PDE1C: variants seen among roughly 807,000 people sequenced by gnomAD.
The protein encoded by PDE1C is phosphodiesterase 1C.
A neutral mutation model predicts 93.1 loss-of-function variants in PDE1C; 62 were observed. The ratio of observed to expected loss-of-function variants is 0.67; its 90% confidence interval spans 0.54 to 0.82. The LOEUF is 0.82. Among genes scored for constraint, PDE1C ranks in the 40% least tolerant of loss-of-function variants. PDE1C has a pLI of 0.00. For synonymous variants in PDE1C, 325 were observed against 310.1 expected, an observed-to-expected ratio of 1.05 and a Z score of -0.50; for missense variants, 742 against 884.6, an observed-to-expected ratio of 0.84 and a Z score of 2.04.
At chr7:32,250,874 C>T (rs996845593) in intron 1 of PDE1C, among the ~76,000 whole-genome samples, 1 of 152,188 alleles carries the variant, frequency 6.6e-6, no homozygotes, top group South Asian at 2.1e-4. Context: ...TGTAACACAC[C>T]GCAAAGGCAT....
At chr7:31,699,638 G>T in the PDE1C span, among the ~76,000 whole-genome samples, 1 of 151,490 alleles carries the variant, frequency 6.6e-6, no homozygotes, top group African/African-American at 2.4e-5. Flanking sequence ...TCAGATATTG[G>T]TGGTTTTTTT....
chr7:32,381,248 T>C (rs916523879), intron 1 of PDE1C, among the ~76,000 whole-genome samples: 2 of 151,806 alleles, frequency 1.3e-5, no homozygotes, highest in South Asian at 2.1e-4. Flanking sequence ...GCACTCTCTC[T>C]AGGCTGTGCT....
intron 2 of PDE1C, among the ~76,000 whole-genome samples, chr7:31,981,255 A>T (rs975893755): frequency 3.3e-5 from 5 of 152,184 alleles, no homozygotes; most frequent in African/African-American, 1.2e-4. Flanking sequence ...AAATCTGGGG[A>T]TGTGAAGCAT....
At chr7:31,642,747 C>T in the PDE1C span, 1 of 1,614,016 alleles carries the variant, frequency 6.2e-7, no homozygotes, top group African/African-American at 1.3e-5. Context: ...GAGATCAGAG[C>T]CACAGCTTAG....
intron 1 of PDE1C, among the ~76,000 whole-genome samples, chr7:32,381,119 C>T (rs966873043): frequency 6.6e-6 from 1 of 151,694 alleles, no homozygotes; most frequent in East Asian, 2.0e-4. Flanking sequence ...TGGTGTTATT[C>T]TTGACTTCTC....
At chr7:31,969,885 C>A (rs545795157) in intron 2 of PDE1C, among the ~76,000 whole-genome samples, 25 of 152,140 alleles carry the variant, frequency 1.6e-4, no homozygotes, top group African/African-American at 5.8e-4. Context: ...AGCAAACTAT[C>A]GCAAGGACAA....
At chr7:31,736,669 G>T in the PDE1C span, among the ~76,000 whole-genome samples, 12 of 152,216 alleles carry the variant, frequency 7.9e-5, no homozygotes, top group Non-Finnish European at 4.4e-5. Flanking sequence ...TCAATGTGTT[G>T]TGATCCTTCA....
At chr7:31,872,638 C>T (rs1252678686) in intron 6 of PDE1C, among the ~76,000 whole-genome samples, 1 of 152,006 alleles carries the variant, frequency 6.6e-6, no homozygotes, top group Non-Finnish European at 1.5e-5. Context: ...GAGGCTCATC[C>T]CTTTGATGAG....
chr7:32,288,077 C>T (rs1379180853), intron 1 of PDE1C, among the ~76,000 whole-genome samples: 8 of 152,102 alleles, frequency 5.3e-5, no homozygotes, highest in Non-Finnish European at 2.9e-5. Flanking sequence ...TCACTTGAAC[C>T]CGGAAGGCAG....
At chr7:31,980,843 C>T (rs986101527) in intron 2 of PDE1C, among the ~76,000 whole-genome samples, 7 of 152,196 alleles carry the variant, frequency 4.6e-5, no homozygotes, top group African/African-American at 1.7e-4. Context: ...ATTCTAAAGC[C>T]AGTCAGTAGG....
intron 5 of PDE1C, among the ~76,000 whole-genome samples, chr7:31,875,070 G>C (rs1332536683): frequency 6.6e-6 from 1 of 152,142 alleles, no homozygotes; most frequent in Non-Finnish European, 1.5e-5. Flanking sequence ...TAGACAGCAA[G>C]GACACTTAAG....
At chr7:31,740,262 A>G in the PDE1C span, among the ~76,000 whole-genome samples, 1 of 152,200 alleles carries the variant, frequency 6.6e-6, no homozygotes, top group African/African-American at 2.4e-5. Flanking sequence ...CTCCAACATG[A>G]CACAAGAAAA....
chr7:32,004,959 AT>A (rs1241998377), intron 2 of PDE1C, among the ~76,000 whole-genome samples: 1 of 152,192 alleles, frequency 6.6e-6, no homozygotes, highest in East Asian at 1.9e-4. Flanking sequence ...GAGGTAATTT[AT>A]TTGATACATA....
chr7:31,865,466 C>T (rs539228842), intron 6 of PDE1C, among the ~76,000 whole-genome samples: 28 of 152,240 alleles, frequency 1.8e-4, no homozygotes, highest in African/African-American at 6.5e-4. Flanking sequence ...CTCTTAAATA[C>T]CCTTCCCCTC....
At chr7:31,875,458 C>T (rs1171070416) in intron 5 of PDE1C, among the ~76,000 whole-genome samples, 1 of 151,942 alleles carries the variant, frequency 6.6e-6, no homozygotes, top group African/African-American at 2.4e-5. Flanking sequence ...AAATATGGAC[C>T]CTCCAGTGGG....
intron 9 of PDE1C, among the ~76,000 whole-genome samples, chr7:31,846,223 C>CTT (rs200755773): frequency 7.0e-6 from 1 of 142,364 alleles, no homozygotes. Flanking sequence ...TTTTACTTTT[C>CTT]TTTTTTTTTC....
At chr7:31,875,404 T>G (rs1796421150) in intron 5 of PDE1C, among the ~76,000 whole-genome samples, 1 of 152,126 alleles carries the variant, frequency 6.6e-6, no homozygotes, top group African/African-American at 2.4e-5. Flanking sequence ...TTAGCTGTAA[T>G]TCTCAGTCTA....
intron 1 of PDE1C, among the ~76,000 whole-genome samples, chr7:32,278,830 A>C (rs2128891133): frequency 6.6e-6 from 1 of 152,356 alleles, no homozygotes; most frequent in African/African-American, 2.4e-5. Context: ...GAAAGGGCAC[A>C]AAGTAACCGA....
chr7:32,215,476 G>T lies in PDE1C; in HGVS notation c.86-5937C>A, dbSNP rs60287557. On this transcript the variant is annotated intron_variant, in intron 1 of 18. Transcript: ENST00000396193. ...AGCAATATAAAGGACATGTTCCCCTGGTGTGTTTGCTGTAGGTTTTCCCTC... is the reference window on the plus strand; with the variant it reads ...AGCAATATAAAGGACATGTTCCCCTTGTGTGTTTGCTGTAGGTTTTCCCTC... Among the ~76,000 whole-genome samples the T allele has an allele frequency of 9.9e-3, 1,514 of 152,234 alleles. 32 individuals carry two copies. The highest frequency in any genetic ancestry group is 0.035 in the African/African-American group (1,463 of 41,548).
Sources: allele counts gnomAD v4.1 joint callset (sites outside exome capture counted in the v4.1 genomes callset), GRCh38; gene constraint gnomAD v4.1.1; transcripts MANE v1.5; gene names NCBI Gene and HGNC (gene_info 2026-07-23, HGNC 2026-07-21).